FMNL2: variants seen among roughly 807,000 people sequenced by gnomAD.
The protein encoded by FMNL2 is formin-like protein 2.
Under a neutral mutation model 130.2 loss-of-function variants are expected in FMNL2, and 51 were observed. That is an observed-to-expected ratio of 0.39 (90% CI 0.31 to 0.49). The LOEUF (loss-of-function observed/expected upper bound fraction) is 0.49, where lower values mean the gene tolerates loss of function less well. Ranked by LOEUF, FMNL2 falls within the 20% of genes least tolerant of loss-of-function variation. The probability of loss-of-function intolerance (pLI) is 0.85; values close to 1 mark genes in which losing one functional copy is unlikely to be tolerated. For missense variants in FMNL2, 977 were observed against 1,316.2 expected, an observed-to-expected ratio of 0.74 and a Z score of 3.99; for synonymous variants, 465 against 467.1, an observed-to-expected ratio of 1.00 and a Z score of 0.06.
At chr2:152,379,497 G>A (rs999554094) in intron 1 of FMNL2, among the ~76,000 whole-genome samples, 6 of 152,186 alleles carry the variant, frequency 3.9e-5, no homozygotes, top group Non-Finnish European at 7.3e-5. Context: ...AAAGTGTTAT[G>A]TCAGAATGTG....
chr2:152,643,293 C>A, intron 25 of FMNL2: 1 of 1,322,200 alleles, frequency 7.6e-7, no homozygotes, highest in South Asian at 1.4e-5. Context: ...TTCCCCCTTT[C>A]CTGCCCATCT....
At chr2:152,481,681 GTT>G (rs1465056113) in intron 1 of FMNL2, among the ~76,000 whole-genome samples, 2 of 152,176 alleles carry the variant, frequency 1.3e-5, no homozygotes, top group Non-Finnish European at 2.9e-5. Context: ...AGCAATTCAG[GTT>G]GAAATTTGTT....
chr2:152,574,024 T>A (rs1359189803), intron 6 of FMNL2, among the ~76,000 whole-genome samples: 1 of 152,004 alleles, frequency 6.6e-6, no homozygotes, highest in African/African-American at 2.4e-5. Flanking sequence ...CTTTCTACAC[T>A]CCATAAAATA....
chr2:152,524,478 C>T (rs1260385550), intron 2 of FMNL2, among the ~76,000 whole-genome samples: 1 of 152,104 alleles, frequency 6.6e-6, no homozygotes, highest in Non-Finnish European at 1.5e-5. Flanking sequence ...TGAGGTGTAT[C>T]CCAGCGTACC....
chr2:152,563,743 A>G (rs1695659129), intron 6 of FMNL2, among the ~76,000 whole-genome samples: 1 of 150,824 alleles, frequency 6.6e-6, no homozygotes, highest in Non-Finnish European at 1.5e-5. Context: ...CTCCTCTTCT[A>G]CTTTGTCCTT....
intron 9 of FMNL2, among the ~76,000 whole-genome samples, chr2:152,599,374 G>GTT (rs1277324223): frequency 1.7e-5 from 2 of 119,252 alleles, no homozygotes; most frequent in African/African-American, 6.1e-5. Flanking sequence ...GTAAGGAGGA[G>GTT]TTTTACTCTC....
At chr2:152,496,682 T>C (rs572881567) in intron 1 of FMNL2, among the ~76,000 whole-genome samples, 31 of 152,330 alleles carry the variant, frequency 2.0e-4, no homozygotes, top group African/African-American at 7.5e-4. Flanking sequence ...CTATTCCTTC[T>C]CCTCTTATTA....
chr2:152,339,312 A>C (rs1285020184), intron 1 of FMNL2, among the ~76,000 whole-genome samples: 3 of 152,228 alleles, frequency 2.0e-5, no homozygotes, highest in Admixed American at 2.0e-4. Flanking sequence ...ATCCTGGGTT[A>C]CATACACACA....
At chr2:152,574,410 T>A (rs761263686) in intron 6 of FMNL2, among the ~76,000 whole-genome samples, 14 of 132,220 alleles carry the variant, frequency 1.1e-4, no homozygotes, top group Middle Eastern at 4.5e-3. Context: ...CACGCCAGCC[T>A]GGTGACAGAG....
At chr2:152,376,757 G>T (rs554823712) in intron 1 of FMNL2, among the ~76,000 whole-genome samples, 25 of 152,214 alleles carry the variant, frequency 1.6e-4, no homozygotes, top group Non-Finnish European at 3.1e-4. Flanking sequence ...TAGGGCTGAA[G>T]GTAGTAAGAT....
intron 1 of FMNL2, among the ~76,000 whole-genome samples, chr2:152,477,556 T>G (rs1484050511): frequency 6.6e-6 from 1 of 152,048 alleles, no homozygotes; most frequent in Non-Finnish European, 1.5e-5. Flanking sequence ...TGTCTCAGAG[T>G]AAGGAGCAAA....
intron 1 of FMNL2, among the ~76,000 whole-genome samples, chr2:152,407,355 T>C (rs945151019): frequency 3.9e-5 from 6 of 152,180 alleles, no homozygotes; most frequent in Non-Finnish European, 7.3e-5. Context: ...TTTCTTTTTT[T>C]ACAGTCGTTT....
intron 9 of FMNL2, among the ~76,000 whole-genome samples, chr2:152,590,399 C>T (rs1176725565): frequency 5.3e-5 from 8 of 152,060 alleles, no homozygotes; most frequent in African/African-American, 1.9e-4. Context: ...AGGCGGATCA[C>T]CTGAGGTCAG....
rs893878321 is a variant in FMNL2 at position 152,551,701 on chromosome 2, T to C, written c.359+2604T>C. On this transcript the variant is annotated intron_variant, in intron 4 of 25. Transcript: ENST00000288670. ...TTTAAGGAAGCCATATATTTTATTG[T>C]ACTGTTTAAAATACTGTAATAGATA... Among the ~76,000 whole-genome samples, 9 of 152,366 alleles carry C rather than the reference T, an allele frequency of 5.9e-5. No individual in the cohort carries two copies. The East Asian group carries it at 1.3e-3, about 23-fold the overall frequency.
At chr2:152,617,025 T>C (rs1698988499) in intron 12 of FMNL2, 66 bp from the exon 13 acceptor site, 1 of 1,423,102 alleles carries the variant, frequency 7.0e-7, no homozygotes, top group Admixed American at 1.8e-5. Flanking sequence ...AGCTGCACTT[T>C]CTGAGAACTG....
intron 1 of FMNL2, among the ~76,000 whole-genome samples, chr2:152,490,704 A>T (rs1253034672): frequency 6.6e-6 from 1 of 150,944 alleles, no homozygotes; most frequent in African/African-American, 2.4e-5. Context: ...CATTGGCTAA[A>T]ACTCTACAGG....
chr2:152,336,102 C>G (rs1285978226), intron 1 of FMNL2, among the ~76,000 whole-genome samples: 1 of 150,606 alleles, frequency 6.6e-6, no homozygotes, highest in Non-Finnish European at 1.5e-5. Flanking sequence ...AAAAACAAAA[C>G]AAAACAAAAC....
chr2:152,612,235 G>A (rs1245620923), intron 11 of FMNL2, among the ~76,000 whole-genome samples: 1 of 152,162 alleles, frequency 6.6e-6, no homozygotes, highest in Non-Finnish European at 1.5e-5. Context: ...ATCAGAAATG[G>A]TCTTGAAAAG....
At chr2:152,613,438 C>T (rs1164350744) in intron 11 of FMNL2, among the ~76,000 whole-genome samples, 1 of 152,200 alleles carries the variant, frequency 6.6e-6, no homozygotes, top group Non-Finnish European at 1.5e-5. Context: ...GCTGCTTCTC[C>T]TTTTGTTCTA....
Sources: gnomAD v4.1 joint callset for allele counts (sites outside exome capture counted in the v4.1 genomes callset) on GRCh38, gnomAD v4.1.1 for gene constraint, MANE v1.5 for transcripts, NCBI Gene and HGNC (gene_info 2026-07-23, HGNC 2026-07-21) for gene names.